Variants in SAXO1 observed in about 807,000 individuals in gnomAD.
The protein encoded by SAXO1 is stabilizer of axonemal microtubules 1, also known as 4930500O09Rik.
In SAXO1, 21 loss-of-function variants were observed where a neutral mutation model predicts 17.5. The ratio of observed to expected loss-of-function variants is 1.20; its 90% CI spans 0.85 to 1.72. The LOEUF (loss-of-function observed/expected upper bound fraction) is 1.72, where lower values mean the gene tolerates loss of function less well. Ranked by LOEUF, SAXO1 falls within the 40% of genes most tolerant of loss-of-function variation. The pLI is 0.00. For missense variants in SAXO1, 843 were observed against 596.0 expected (o/e 1.41, Z -4.32); for synonymous variants, 274 against 216.5 (o/e 1.27, Z -2.33).
chr9:19,003,053 C>T (rs140377321), intron 1 of SAXO1, among the ~76,000 whole-genome samples: 1,756 of 152,162 alleles, frequency 0.012, 24 homozygotes, highest in African/African-American at 0.04. Context: ...AGTCTCAGGA[C>T]ACAAAATCAA....
At chr9:18,932,122 C>G (rs1418124756) in intron 3 of SAXO1, among the ~76,000 whole-genome samples, 1 of 152,132 alleles carries the variant, frequency 6.6e-6, no homozygotes, top group African/African-American at 2.4e-5. Context: ...AAATTCTTTG[C>G]CTGTCCCAAG....
chr9:18,935,731 A>G (rs1207330179), intron 3 of SAXO1, among the ~76,000 whole-genome samples: 1 of 152,294 alleles, frequency 6.6e-6, no homozygotes, highest in South Asian at 2.1e-4. Context: ...GCTTGCCACA[A>G]CTAGCACTGC....
At chr9:19,024,012 CTTTTTTTTTTTTT>C (rs71333077) in intron 1 of SAXO1, among the ~76,000 whole-genome samples, 2 of 38,116 alleles carry the variant, frequency 5.2e-5, no homozygotes, top group African/African-American at 1.1e-4. Context: ...CTCTTTAAGG[CTTTTTTTTTTTTT>C]TTTTTTTTTT....
intron 1 of SAXO1, among the ~76,000 whole-genome samples, chr9:18,965,450 T>A (rs548243971): frequency 6.6e-6 from 1 of 152,218 alleles, no homozygotes; most frequent in East Asian, 1.9e-4. Context: ...TGGGTGCATA[T>A]ATATTTAGGA....
chr9:18,943,504 G>C (rs1159780247), intron 2 of SAXO1, among the ~76,000 whole-genome samples: 1 of 152,148 alleles, frequency 6.6e-6, no homozygotes, highest in Non-Finnish European at 1.5e-5. Flanking sequence ...AAGTCCTTAG[G>C]CTACAAAGAC....
chr9:18,931,836 G>T (rs186025528), intron 3 of SAXO1, among the ~76,000 whole-genome samples: 1 of 152,238 alleles, frequency 6.6e-6, no homozygotes, highest in Admixed American at 6.5e-5. Context: ...AAAATATTGA[G>T]ATGTTTTGCC....
chr9:19,021,157 C>A (rs1254710412), intron 1 of SAXO1, among the ~76,000 whole-genome samples: 1 of 152,198 alleles, frequency 6.6e-6, no homozygotes. Flanking sequence ...AGAAGAGCCA[C>A]CTGTCACAGG....
intron 2 of SAXO1, among the ~76,000 whole-genome samples, chr9:18,948,885 A>G (rs1015147216): frequency 6.6e-6 from 1 of 152,194 alleles, no homozygotes; most frequent in Admixed American, 6.5e-5. Context: ...ATAAAGAGAT[A>G]AAAAGACCCA....
chr9:19,002,868 A>G (rs1446991926), intron 1 of SAXO1, among the ~76,000 whole-genome samples: 3 of 152,256 alleles, frequency 2.0e-5, no homozygotes, highest in African/African-American at 4.8e-5. Context: ...ACTCCTATTC[A>G]GCATAGTATT....
At chr9:19,022,939 C>T (rs1458321231) in intron 1 of SAXO1, among the ~76,000 whole-genome samples, 1 of 152,180 alleles carries the variant, frequency 6.6e-6, no homozygotes, top group East Asian at 1.9e-4. Context: ...TGAAGACTTG[C>T]AAAGTTCAAA....
chr9:19,048,931 T>C (rs1313803737), intron 1 of SAXO1, among the ~76,000 whole-genome samples: 1 of 152,242 alleles, frequency 6.6e-6, no homozygotes, highest in Non-Finnish European at 1.5e-5. Flanking sequence ...TGCTATTACC[T>C]AGCTGCGCAG....
At chr9:18,950,627 T>G in intron 2 of SAXO1, 131 bp downstream of exon 2, 3 of 763,762 alleles carry the variant, frequency 3.9e-6, no homozygotes, top group Non-Finnish European at 6.1e-6. Context: ...CATTAAGGCA[T>G]TAATATCATA....
intron 1 of SAXO1, among the ~76,000 whole-genome samples, chr9:19,003,423 C>T (rs1382839723): frequency 1.3e-5 from 2 of 152,178 alleles, no homozygotes; most frequent in African/African-American, 4.8e-5. Flanking sequence ...CAAAAAAGAG[C>T]CCACATAGCC....
At chr9:19,022,930 G>T (rs1370046419) in intron 1 of SAXO1, among the ~76,000 whole-genome samples, 3 of 152,060 alleles carry the variant, frequency 2.0e-5, no homozygotes, top group Non-Finnish European at 4.4e-5. Flanking sequence ...TCATTGTTTT[G>T]AAGACTTGCA....
rs1308529838 is a variant in SAXO1, at chr9:18,945,237, C to T, written c.219-3398G>A. 2.0e-5 allele frequency among the ~76,000 whole-genome samples: 3 copies of T among 152,298 alleles called. No homozygotes were observed. The East Asian group carries it at 5.8e-4, about 29-fold the overall frequency. ...CACCCATCAGATCTGATTCCCCTCA[C>T]TCCTGGATACTCCAAGCATCACCTT... On this transcript the variant is annotated intron_variant, in intron 2 of 3. Coordinates refer to ENST00000380534, the MANE Select transcript of SAXO1 (RefSeq NM_153707.4).
At chr9:18,934,989 C>T (rs1347949114) in intron 3 of SAXO1, among the ~76,000 whole-genome samples, 1 of 152,126 alleles carries the variant, frequency 6.6e-6, no homozygotes, top group Non-Finnish European at 1.5e-5. Context: ...TGCAGTGGCA[C>T]GATCTCAGCT....
intron 1 of SAXO1, among the ~76,000 whole-genome samples, chr9:19,046,980 A>C (rs936181477): frequency 1.6e-4 from 25 of 152,370 alleles, no homozygotes; most frequent in African/African-American, 5.8e-4. Context: ...TAAGACCAGC[A>C]GTTTGAGACC....
At chr9:18,929,123 G>A in intron 3 of SAXO1, 68 bp from the exon 4 acceptor site, 1 of 1,543,808 alleles carries the variant, frequency 6.5e-7, no homozygotes, top group East Asian at 2.3e-5. Context: ...ATTCTACAGA[G>A]CCCCAAGGTC....
intron 1 of SAXO1, among the ~76,000 whole-genome samples, chr9:19,018,973 G>GTGGGCTACC (rs1250719724): frequency 4.6e-5 from 7 of 152,150 alleles, no homozygotes; most frequent in Admixed American, 4.6e-4. Context: ...GCCAGGCTTG[G>GTGGGCTACC]TGGCGGGCAC....
Sources: allele counts gnomAD v4.1 joint callset (sites outside exome capture counted in the v4.1 genomes callset), GRCh38; gene constraint gnomAD v4.1.1; transcripts MANE v1.5; gene names NCBI Gene and HGNC (gene_info 2026-07-23, HGNC 2026-07-21).